Variants in CUBN observed in about 807,000 individuals in gnomAD.
CUBN encodes the protein 460 kDa receptor.
A neutral mutation model predicts 405.3 loss-of-function variants in CUBN; 282 were observed. The ratio of observed to expected loss-of-function variants is 0.70; its 90% CI spans 0.63 to 0.77. The LOEUF (loss-of-function observed/expected upper bound fraction) is 0.77, where lower values mean the gene tolerates loss of function less well. CUBN is among the 30% of genes least tolerant of loss of function. The probability of loss-of-function intolerance (pLI) is 0.00; values close to 1 mark genes in which losing one functional copy is unlikely to be tolerated. For missense variants in CUBN, 4,514 were observed against 4,475.2 expected, an observed-to-expected ratio of 1.01 and a Z score of -0.25; for synonymous variants, 1,684 against 1,617.0, an observed-to-expected ratio of 1.04 and a Z score of -0.99.
chr10:17,025,932 A>T (rs1288282880), intron 27 of CUBN, among the ~76,000 whole-genome samples: 2 of 150,392 alleles, frequency 1.3e-5, no homozygotes, highest in Non-Finnish European at 2.9e-5. Flanking sequence ...AGCAGCAAAG[A>T]GAGTTAGGAA....
chr10:17,109,864 G>C, intron 9 of CUBN, 129 bp from the exon 10 acceptor site: 1 of 689,480 alleles, frequency 1.5e-6, no homozygotes, highest in Non-Finnish European at 2.6e-6. Flanking sequence ...AAAAATATAA[G>C]TATAAAATGT....
At position 17,103,161 on chromosome 10, in the gene CUBN, A is replaced by C. The variant is rs761783804; in HGVS notation, c.1494T>G (p.Val498=). 3.1e-6 allele frequency: 5 copies of C among 1,613,702 alleles called. No homozygotes were observed. In the South Asian group the frequency reaches 4.4e-5, roughly 14 times the overall value. The part of the protein sequence containing the change: ...RSPDVGYVHD[V]NCFWVIKTEM... ...CAGTTTTGATAACCCAGAAGCAGTT[A>C]ACATCATGAACATAACCAACATCCG... The change falls in exon 13 of 67, where the codon GTT becomes GTG. Residue 498 remains valine (V), a synonymous_variant. Transcript: ENST00000377833.
chr10:16,877,066 G>A lies in CUBN; in HGVS notation c.8937C>T (p.Asn2979=), dbSNP rs150730481. ...AACCTCTGATAATGTGCACGCCATC[G>A]TTGACACAGCTTCCCGTCACAGCGG... ...ARSAVTGSCV[N]DGVHIIRGYS... is the part of the protein sequence containing the mutation. Residue 2979 remains asparagine, a synonymous_variant, in exon 57 of 67, where the codon AAC becomes AAT. Transcript: ENST00000377833. 93 of 1,614,006 alleles carry A rather than the reference G, an allele frequency of 5.8e-5. No individual in the cohort carries two copies. The highest frequency in any genetic ancestry group is 2.3e-4 in the African/African-American group (17 of 75,004).
rs202229367 is a variant in CUBN at position 16,913,938 on chromosome 10, G to T, written c.7406C>A (p.Pro2469Gln). 5.7e-5 allele frequency: 92 copies of T among 1,613,946 alleles called. No homozygotes were observed. Among genetic ancestry groups the T allele is most frequent in the Non-Finnish European group, 7.3e-5 (86 of 1,180,028 alleles). ...SIGTFTSPNY[P>Q]NPNPHGRICE... is the part of the protein sequence containing the mutation. ...GATCCGGCCATGAGGATTTGGGTTC[G>T]GGTAGTTGGGAGAAGTAAATGTTCC... The change falls in exon 48 of 67, where the codon CCG becomes CAG. Residue 2469 changes from proline to glutamine, a missense_variant. Pro to Gln is a moderately conservative substitution (Grantham distance 76). Coordinates refer to ENST00000377833, the MANE Select transcript of CUBN (RefSeq NM_001081.4).
chr10:16,834,147 T>C (rs1839095735), intron 64 of CUBN, among the ~76,000 whole-genome samples: 1 of 152,174 alleles, frequency 6.6e-6, no homozygotes, highest in African/African-American at 2.4e-5. Context: ...GGGGTTTTTC[T>C]GGCAAAACAC....
Position 17,071,472 on chromosome 10 carries a change from A to T in CUBN, c.2579T>A (p.Val860Asp). Residue 860 changes from valine (V) to aspartate (D), a missense_variant, in exon 19 of 67, where the codon GTC (valine) becomes GAC (aspartate). Physicochemically the swap from Val to Asp is radical, Grantham distance 152 (BLOSUM62 -3). Around this residue, in one of 5 missense-constraint regions of CUBN, gnomAD observed 1,448 missense variants for 1,388.0 expected, o/e 1.04. Transcript: ENST00000377833. ...GTGGGCAGAACTTCCAATTTCAAAG[A>T]CAGTGAAGTTGAGGAGAATGACTTG... is the stretch of plus-strand genomic sequence containing the variant. ...QSQVILLNFT[V>D]FEIGSSAHCE... 6.2e-7 allele frequency: 1 copy of T among 1,614,030 alleles called. No homozygotes were observed. The highest frequency in any genetic ancestry group is 8.5e-7 in the Non-Finnish European group (1 of 1,179,942).
At chr10:16,891,721 A>AC (rs1564406580) in intron 54 of CUBN, among the ~76,000 whole-genome samples, 3 of 151,612 alleles carry the variant, frequency 2.0e-5, no homozygotes, top group Middle Eastern at 3.4e-3. Context: ...GGGGAAAAAA[A>AC]CCCCAAAAAC....
chr10:16,901,497 G>A (rs772397710), intron 51 of CUBN, 38 bp from the exon 52 acceptor site: 1 of 1,612,716 alleles, frequency 6.2e-7, no homozygotes, highest in Non-Finnish European at 8.5e-7. Context: ...TAAAACAGAA[G>A]TAAAAAAAAG....
chr10:17,120,750 G>T (rs566585038), intron 6 of CUBN, among the ~76,000 whole-genome samples: 2 of 152,196 alleles, frequency 1.3e-5, no homozygotes, highest in Non-Finnish European at 2.9e-5. Flanking sequence ...AAGAAATAAC[G>T]TGCTGAAAAC....
chr10:17,007,894 G>T (rs1157342302), intron 28 of CUBN, among the ~76,000 whole-genome samples: 2 of 152,262 alleles, frequency 1.3e-5, no homozygotes, highest in East Asian at 3.9e-4. Context: ...AGTGGCTCAT[G>T]CCTGTAATCC....
chr10:16,949,433 T>TGG (rs1481027820), intron 34 of CUBN, among the ~76,000 whole-genome samples: 5 of 85,208 alleles, frequency 5.9e-5, no homozygotes, highest in African/African-American at 3.7e-4. Context: ...TTAAATGGCC[T>TGG]GGTGTGTGTG....
intron 31 of CUBN, among the ~76,000 whole-genome samples, chr10:16,973,241 G>A (rs1832990524): frequency 2.0e-5 from 3 of 152,026 alleles, no homozygotes; most frequent in Non-Finnish European, 4.4e-5. Flanking sequence ...TCCCCTCGTG[G>A]CCTCACTGCT....
chr10:16,835,181 A>G lies in CUBN; in HGVS notation c.10195T>C (p.Tyr3399His). 1 of 1,613,886 alleles carries G rather than the reference A, an allele frequency of 6.2e-7. No homozygotes were observed. Residue 3399 changes from tyrosine (Y) to histidine (H), a missense_variant, in exon 64 of 67, where the codon TAT becomes CAT. By Grantham distance (83) the Tyr-to-His change is moderately conservative. Coordinates refer to ENST00000377833, the MANE Select transcript of CUBN (RefSeq NM_001081.4). The stretch of plus-strand genomic sequence containing the variant: ...CTCAGGTTGCCAAATGCCTTGTGAT[A>G]GTCTCTGTTGCAATCTTAGAGGAAA... ...TYQIADCNRD[Y>H]HKAFGNLRSP...
intron 40 of CUBN, among the ~76,000 whole-genome samples, chr10:16,932,578 T>A: frequency 6.6e-6 from 1 of 152,188 alleles, no homozygotes; most frequent in Admixed American, 6.5e-5. Context: ...ATGAATACAT[T>A]ACTATTTTAT....
At chr10:16,993,882 T>C (rs1020869597) in intron 28 of CUBN, among the ~76,000 whole-genome samples, 3 of 152,084 alleles carry the variant, frequency 2.0e-5, no homozygotes, top group Non-Finnish European at 2.9e-5. Flanking sequence ...AAGAAACAGT[T>C]AGGGCTTGAA....
chr10:16,926,506 A>C (rs1842191870), intron 41 of CUBN, among the ~76,000 whole-genome samples: 1 of 152,102 alleles, frequency 6.6e-6, no homozygotes, highest in African/African-American at 2.4e-5. Flanking sequence ...CAGAGTGTCC[A>C]ATAAGGAGGG....
At chr10:17,014,520 G>A (rs1225341775) in intron 28 of CUBN, among the ~76,000 whole-genome samples, 2 of 152,176 alleles carry the variant, frequency 1.3e-5, no homozygotes, top group African/African-American at 4.8e-5. Context: ...GTCTTAGGGT[G>A]AGCATAATCC....
intron 15 of CUBN, among the ~76,000 whole-genome samples, chr10:17,087,508 C>G (rs1164132768): frequency 8.9e-6 from 1 of 112,816 alleles, no homozygotes; most frequent in Non-Finnish European, 1.7e-5. Context: ...CAGAGCCTCA[C>G]TCTGTCACCC....
chr10:17,045,369 T>C (rs954680147), intron 24 of CUBN, among the ~76,000 whole-genome samples, 181 bp from the exon 25 acceptor site: 1 of 150,768 alleles, frequency 6.6e-6, no homozygotes, highest in African/African-American at 2.4e-5. Context: ...TATTTTTTTT[T>C]TTTTTTTTGA....
Sources: allele counts gnomAD v4.1 joint callset (sites outside exome capture counted in the v4.1 genomes callset), GRCh38; gene constraint gnomAD v4.1.1; regional missense constraint gnomAD v4.1.1; transcripts MANE v1.5; gene names NCBI Gene and HGNC (gene_info 2026-07-23, HGNC 2026-07-21).